The following SUV39H2 variants were observed in gnomAD, a reference collection of about 807,000 sequenced individuals.
SUV39H2 encodes histone-lysine N-methyltransferase SUV39H2.
In SUV39H2, 10 loss-of-function variants were observed where a neutral mutation model predicts 47.5. The observed-to-expected ratio is 0.21, with a 90% confidence interval of 0.13 to 0.36. The LOEUF is 0.36. Among genes scored for constraint, SUV39H2 ranks in the 10% least tolerant of loss-of-function variants. SUV39H2 has a pLI of 1.00. For missense variants in SUV39H2, 266 were observed against 487.4 expected (o/e 0.55, Z 4.28); for synonymous variants, 159 against 166.8 (o/e 0.95, Z 0.36).
chr10:14,902,638 A>G lies in SUV39H2; in HGVS notation c.*126A>G. ...ATGTTAATTTACAATTCATGTTTCA[A>G]GACATTTGCCAAATGTATTACCGAT... On this transcript the variant is annotated 3_prime_UTR_variant, in exon 6 of 6. Coordinates refer to ENST00000354919, the MANE Select transcript of SUV39H2 (RefSeq NM_001193424.2). 3.1e-6 allele frequency: 2 copies of G among 651,738 alleles called. No homozygotes were observed. The highest frequency in any genetic ancestry group is 5.0e-6 in the Non-Finnish European group (2 of 400,138). 40.4% of individuals were successfully genotyped at this position (651,738 alleles called of 1,614,324 possible). A position where few individuals can be genotyped will look rare whatever the true frequency, so the allele number is the denominator to read the frequency against.
intron 1 of SUV39H2, among the ~76,000 whole-genome samples, chr10:14,879,353 G>C (rs1588829260): frequency 6.6e-6 from 1 of 152,200 alleles, no homozygotes; most frequent in Admixed American, 6.5e-5. Flanking sequence ...GGCGGGAAGC[G>C]ACGCCCGCCG....
chr10:14,897,774 C>T (rs796510603), intron 3 of SUV39H2: 11 of 255,882 alleles, frequency 4.3e-5, no homozygotes, highest in African/African-American at 1.5e-4. Context: ...ACTAGTCAAA[C>T]CTAGGATTTG....
intron 2 of SUV39H2, among the ~76,000 whole-genome samples, chr10:14,886,487 AGTCCCGGTACAGAACGGGT>A (rs1482735879): frequency 2.6e-5 from 4 of 152,194 alleles, no homozygotes; most frequent in African/African-American, 9.7e-5. Flanking sequence ...GTCTCATTTT[AGTCCCGGTACAGAACGGGT>A]GTTTGGTCCA....
At chr10:14,880,960 C>T (rs1833024374) in intron 1 of SUV39H2, among the ~76,000 whole-genome samples, 1 of 151,938 alleles carries the variant, frequency 6.6e-6, no homozygotes, top group Non-Finnish European at 1.5e-5. Flanking sequence ...AAAGAGAAAA[C>T]TAACATATAA....
At chr10:14,880,940 G>A (rs1833023629) in intron 1 of SUV39H2, among the ~76,000 whole-genome samples, 1 of 152,056 alleles carries the variant, frequency 6.6e-6, no homozygotes, top group South Asian at 2.1e-4. Flanking sequence ...AAAGCTTCAT[G>A]CAACATATCA....
At chr10:14,879,167 C>T in intron 1 of SUV39H2, 1 of 1,175,418 alleles carries the variant, frequency 8.5e-7, no homozygotes, top group Non-Finnish European at 1.1e-6. Flanking sequence ...GGAAGTGGAG[C>T]GTGGCCTCTC....
At chr10:14,882,985 C>T (rs755193936) in intron 2 of SUV39H2, among the ~76,000 whole-genome samples, 8 of 151,812 alleles carry the variant, frequency 5.3e-5, no homozygotes, top group Admixed American at 1.3e-4. Context: ...CTCCTGTCTC[C>T]GCCTCCTGAG....
intron 3 of SUV39H2, chr10:14,898,914 G>A: frequency 3.2e-6 from 1 of 313,984 alleles, no homozygotes; most frequent in Non-Finnish European, 5.8e-6. Context: ...GCATATACTT[G>A]CAGATTTAGT....
At chr10:14,881,724 T>C in intron 2 of SUV39H2, 79 bp downstream of exon 2, 2 of 1,224,548 alleles carry the variant, frequency 1.6e-6, no homozygotes, top group Non-Finnish European at 2.1e-6. Context: ...AAAAAGAACA[T>C]TAAAAGAAAA....
At chr10:14,882,097 C>G (rs1833055223) in intron 2 of SUV39H2, among the ~76,000 whole-genome samples, 1 of 152,180 alleles carries the variant, frequency 6.6e-6, no homozygotes, top group African/African-American at 2.4e-5. Context: ...AATAGAATGG[C>G]CTGGATTGCA....
rs772448390 is a variant in SUV39H2 at position 14,899,700 on chromosome 10, G to A, written c.996+15G>A. The A allele has an allele frequency of 3.1e-6, 5 of 1,612,132 alleles. No homozygotes were observed. Among genetic ancestry groups the A allele is most frequent in the East Asian group, 2.2e-5 (1 of 44,852 alleles). On this transcript the variant is annotated intron_variant, in intron 4 of 5. Coordinates refer to ENST00000354919, the MANE Select transcript of SUV39H2 (RefSeq NM_001193424.2). ...TGAATCACAGCGTAAGAAGACATAC[G>A]TAAATTTTAGACACGACTAACAATT...
chr10:14,895,657 C>G (rs1225110302), intron 2 of SUV39H2, among the ~76,000 whole-genome samples: 2 of 152,128 alleles, frequency 1.3e-5, no homozygotes, highest in Admixed American at 6.5e-5. Context: ...TGCCTGCTAC[C>G]TAATCCAGTC....
At chr10:14,886,267 A>G (rs1255004131) in intron 2 of SUV39H2, among the ~76,000 whole-genome samples, 1 of 152,042 alleles carries the variant, frequency 6.6e-6, no homozygotes, top group Non-Finnish European at 1.5e-5. Flanking sequence ...GGACCGCAAA[A>G]TCCTACACAG....
intron 2 of SUV39H2, among the ~76,000 whole-genome samples, chr10:14,891,209 C>G (rs545123931): frequency 1.3e-5 from 2 of 152,166 alleles, no homozygotes; most frequent in South Asian, 4.1e-4. Flanking sequence ...AAAGGCCCTC[C>G]TAATTAGGGA....
At chr10:14,898,594 T>C (rs1291329011) in intron 3 of SUV39H2, 1 of 152,162 alleles carries the variant, frequency 6.6e-6, no homozygotes. Context: ...CAAATTACTC[T>C]TTTTGTTAAC....
chr10:14,895,943 GT>G (rs1833577825), intron 2 of SUV39H2, among the ~76,000 whole-genome samples: 1 of 118,310 alleles, frequency 8.5e-6, no homozygotes, highest in African/African-American at 3.2e-5. Context: ...TTTTTTGTTT[GT>G]TTGTTTTGTT....
rs563503604 is a variant in SUV39H2 at position 14,891,560 on chromosome 10, C to G, written c.178-5286C>G. Among the ~76,000 whole-genome samples the G allele has an allele frequency of 9.9e-5, 15 of 152,186 alleles. No individual in the cohort carries two copies. In the South Asian group the frequency reaches 3.1e-3, roughly 32 times the overall value. On this transcript the variant is annotated intron_variant, in intron 2 of 5. Coordinates refer to ENST00000354919, the MANE Select transcript of SUV39H2 (RefSeq NM_001193424.2). ...GTTGGAAGATTAATGTTTAAGAATGCAGGCAAGAATTGTGGGCCTGAAGTA... is the reference window on the plus strand; with the variant it reads ...GTTGGAAGATTAATGTTTAAGAATGGAGGCAAGAATTGTGGGCCTGAAGTA...
chr10:14,882,930 C>T (rs1009463589), intron 2 of SUV39H2, among the ~76,000 whole-genome samples: 6 of 150,888 alleles, frequency 4.0e-5, no homozygotes, highest in Non-Finnish European at 8.8e-5. Context: ...TGCAGTCGTG[C>T]GATCTCAGCT....
At chr10:14,881,774 T>C in intron 2 of SUV39H2, 129 bp downstream of exon 2, 1 of 811,608 alleles carries the variant, frequency 1.2e-6, no homozygotes. Context: ...ATGATAAATT[T>C]ATATGTCCTA....
Sources: allele counts gnomAD v4.1 joint callset (sites outside exome capture counted in the v4.1 genomes callset), GRCh38; gene constraint gnomAD v4.1.1; transcripts MANE v1.5; gene names NCBI Gene and HGNC (gene_info 2026-07-23, HGNC 2026-07-21).